The following ZNF169 variants were observed in gnomAD, a reference collection of about 807,000 sequenced individuals.
ZNF169 encodes the protein zinc finger protein 169.
ZNF169 carries 11 observed loss-of-function variants against 12.0 expected under a neutral mutation model. That is an observed-to-expected ratio of 0.92 (90% confidence interval 0.58 to 1.52). The LOEUF (loss-of-function observed/expected upper bound fraction) is 1.52. ZNF169 is among the 40% of genes most tolerant of loss of function. ZNF169 has a pLI of 0.00. For missense variants in ZNF169, 722 were observed against 744.0 expected (o/e 0.97, Z 0.34); for synonymous variants, 302 against 286.5 (o/e 1.05, Z -0.55).
intron 1 of ZNF169, among the ~76,000 whole-genome samples, chr9:94,262,250 A>G (rs7865561): frequency 0.076 from 11,639 of 152,212 alleles, 587 homozygotes; most frequent in Middle Eastern, 0.13. Context: ...GGACTGTGCA[A>G]CTGACTGACT....
chr9:94,264,939 A>T (rs1830264599), intron 1 of ZNF169, among the ~76,000 whole-genome samples: 1 of 150,860 alleles, frequency 6.6e-6, no homozygotes, highest in Non-Finnish European at 1.5e-5. Flanking sequence ...TATAGTAATT[A>T]AGCTACTGTG....
At chr9:94,261,284 A>G (rs1007411055) in intron 1 of ZNF169, among the ~76,000 whole-genome samples, 1 of 151,740 alleles carries the variant, frequency 6.6e-6, no homozygotes, top group African/African-American at 2.4e-5. Flanking sequence ...CGGCCTCCCA[A>G]AGTGCTGGGA....
intron 1 of ZNF169, among the ~76,000 whole-genome samples, chr9:94,264,715 G>C (rs772584430): frequency 2.0e-5 from 3 of 152,164 alleles, no homozygotes; most frequent in African/African-American, 7.2e-5. Flanking sequence ...TTTAAGTAAT[G>C]TATATTGTTG....
At chr9:94,272,441 C>A (rs962648150) in intron 1 of ZNF169, among the ~76,000 whole-genome samples, 1 of 152,068 alleles carries the variant, frequency 6.6e-6, no homozygotes, top group African/African-American at 2.4e-5. Context: ...GCAGCTCATT[C>A]TTTTCCTCTT....
At chr9:94,263,628 A>G (rs1830242363) in intron 1 of ZNF169, among the ~76,000 whole-genome samples, 1 of 151,670 alleles carries the variant, frequency 6.6e-6, no homozygotes, top group Non-Finnish European at 1.5e-5. Flanking sequence ...GGCTTAAGCA[A>G]TCCTCCTGTC....
chr9:94,293,415 T>G, intron 4 of ZNF169: 1 of 588,436 alleles, frequency 1.7e-6, no homozygotes, highest in Non-Finnish European at 3.0e-6. Flanking sequence ...TGGTTTTTTA[T>G]TTTTATTTTT....
chr9:94,299,587 C>G, intron 4 of ZNF169: 2 of 1,362,058 alleles, frequency 1.5e-6, no homozygotes, highest in Admixed American at 3.4e-5. Context: ...ACTCTACTTG[C>G]AGCAATTTAT....
intron 1 of ZNF169, among the ~76,000 whole-genome samples, chr9:94,263,520 CTT>C (rs34318453): frequency 4.5e-4 from 65 of 145,636 alleles, no homozygotes; most frequent in Admixed American, 7.5e-4. Flanking sequence ...TTAGGTCTTG[CTT>C]TTTTTTTTTT....
chr9:94,259,413 TGG>T (rs1830158694), intron 1 of ZNF169, 68 bp downstream of exon 1: 1 of 152,458 alleles, frequency 6.6e-6, no homozygotes, highest in South Asian at 2.1e-4. Flanking sequence ...GGCCTTCCAC[TGG>T]AAGGAAGGTC....
chr9:94,284,201 G>A (rs1475514887), intron 2 of ZNF169, among the ~76,000 whole-genome samples: 2 of 151,984 alleles, frequency 1.3e-5, no homozygotes, highest in African/African-American at 4.8e-5. Flanking sequence ...AAGGCAGGTG[G>A]ATCACTTGAG....
chr9:94,273,575 CTTTCTTTTTT>C (rs1830464567), intron 1 of ZNF169, among the ~76,000 whole-genome samples: 2 of 109,964 alleles, frequency 1.8e-5, no homozygotes, highest in Non-Finnish European at 3.7e-5. Flanking sequence ...AACTTTCTTT[CTTTCTTTTTT>C]TTTTTTTTTT....
At chr9:94,290,149 G>T (rs1218350094) in intron 2 of ZNF169, among the ~76,000 whole-genome samples, 1 of 152,160 alleles carries the variant, frequency 6.6e-6, no homozygotes, top group African/African-American at 2.4e-5. Context: ...AATGCAATAA[G>T]ACTTTAGCAG....
chr9:94,281,245 C>T (rs6479534), intron 2 of ZNF169, among the ~76,000 whole-genome samples: 74,830 of 151,954 alleles, frequency 0.49, 18,547 homozygotes, highest in Admixed American at 0.55. Context: ...TATTTTATTA[C>T]TTTTAAAATT....
At position 94,301,194 on chromosome 9, in the gene ZNF169, G is replaced by T. The variant is rs1171028584; in HGVS notation, c.1636G>T (p.Glu546Ter). ...AGGAGAGAAGCCCTGCATTTGCGAT[G>T]AATGTGGGCGCGGCTTTGGCTTTAA... Reference protein sequence around the residue: ...HSGEKPCICDECGRGFGFKSA... With the variant: ...HSGEKPCICD Residue 546 changes from glutamate to a stop codon, truncating the protein, a stop_gained, in exon 5 of 5, where the codon GAA becomes TAA. Coordinates refer to ENST00000395395, the MANE Select transcript of ZNF169 (RefSeq NM_194320.4). LOFTEE classifies it low-confidence loss of function (END_TRUNC). 1.9e-6 allele frequency: 3 copies of T among 1,614,036 alleles called. No individual in the cohort carries two copies. Among genetic ancestry groups the T allele is most frequent in the African/African-American group, 1.3e-5 (1 of 74,920 alleles).
At chr9:94,293,958 A>G (rs577125389) in intron 4 of ZNF169, 1 of 152,406 alleles carries the variant, frequency 6.6e-6, no homozygotes, top group East Asian at 1.9e-4. Context: ...CTGAGTTAGC[A>G]TTCCATGACT....
intron 1 of ZNF169, among the ~76,000 whole-genome samples, chr9:94,264,125 G>T (rs1428406370): frequency 2.1e-5 from 3 of 145,380 alleles, no homozygotes. Flanking sequence ...TAATGTATTT[G>T]CTATAAACAG....
At chr9:94,292,595 T>C in intron 3 of ZNF169, 128 bp downstream of exon 3, 1 of 1,085,480 alleles carries the variant, frequency 9.2e-7, no homozygotes, top group Non-Finnish European at 1.3e-6. Flanking sequence ...ATGCCTGGCT[T>C]TCACAGTGCA....
At chr9:94,287,576 G>A in intron 2 of ZNF169, 1 of 458,586 alleles carries the variant, frequency 2.2e-6, no homozygotes, top group South Asian at 2.0e-5. Context: ...GTGTTAGCCA[G>A]GATGGTCTTG....
chr9:94,289,894 C>G (rs1830798221), intron 2 of ZNF169, among the ~76,000 whole-genome samples: 1 of 151,902 alleles, frequency 6.6e-6, no homozygotes. Flanking sequence ...GTAAAGAAAA[C>G]AAAGAGGCAA....
Sources: allele counts gnomAD v4.1 joint callset (sites outside exome capture counted in the v4.1 genomes callset), GRCh38; gene constraint gnomAD v4.1.1; transcripts MANE v1.5; gene names NCBI Gene and HGNC (gene_info 2026-07-23, HGNC 2026-07-21).